The following ALMS1 variants were observed in gnomAD, a reference collection of about 807,000 sequenced individuals.
The protein encoded by ALMS1 is centrosome-associated protein ALMS1.
In ALMS1, 271 loss-of-function variants were observed where a neutral mutation model predicts 352.2. That is an observed-to-expected ratio of 0.77 (90% CI 0.70 to 0.85). The LOEUF (loss-of-function observed/expected upper bound fraction) is 0.85. ALMS1 is among the 40% of genes least tolerant of loss of function. The pLI is 0.00. For synonymous variants in ALMS1, 1,865 were observed against 1,761.2 expected (o/e 1.06, Z -1.48); for missense variants, 5,445 against 4,870.7 (o/e 1.12, Z -3.51).
At chr2:73,584,175 A>G (rs1179235608) in intron 16 of ALMS1, among the ~76,000 whole-genome samples, 1 of 152,172 alleles carries the variant, frequency 6.6e-6, no homozygotes, top group African/African-American at 2.4e-5. Context: ...AACTGATTTT[A>G]CTTCTTCCCA....
At chr2:73,534,494 C>T (rs1321406987) in intron 11 of ALMS1, among the ~76,000 whole-genome samples, 2 of 152,120 alleles carry the variant, frequency 1.3e-5, no homozygotes, top group African/African-American at 4.8e-5. Flanking sequence ...AAACATATCC[C>T]TACCATCCTA....
intron 7 of ALMS1, among the ~76,000 whole-genome samples, chr2:73,447,280 T>C (rs1671826996): frequency 6.6e-6 from 1 of 152,206 alleles, no homozygotes. Context: ...CCTAGATTTT[T>C]ACATTCCCTT....
intron 16 of ALMS1, among the ~76,000 whole-genome samples, chr2:73,592,313 C>G (rs1675450719): frequency 6.6e-6 from 1 of 152,120 alleles, no homozygotes; most frequent in Non-Finnish European, 1.5e-5. Context: ...CTTCTGCAAC[C>G]TTTTTTCACT....
At chr2:73,436,821 G>A (rs965769998) in intron 7 of ALMS1, among the ~76,000 whole-genome samples, 5 of 152,060 alleles carry the variant, frequency 3.3e-5, no homozygotes, top group Non-Finnish European at 1.5e-5. Flanking sequence ...TCTTCCCTTT[G>A]AATATGTTTA....
intron 17 of ALMS1, among the ~76,000 whole-genome samples, 199 bp from the exon 18 acceptor site, chr2:73,600,479 C>T (rs1295868473): frequency 6.6e-6 from 1 of 152,130 alleles, no homozygotes; most frequent in Non-Finnish European, 1.5e-5. Context: ...AAATAAAACC[C>T]TTTCTTTTTT....
rs191157669 is a variant in ALMS1, at chr2:73,519,987, A to C, written c.9752A>C (p.Gln3251Pro). 1 of 1,614,136 alleles carries C rather than the reference A, an allele frequency of 6.2e-7. No homozygotes were observed. The highest frequency in any genetic ancestry group is 1.7e-5 in the Admixed American group (1 of 60,024). The change falls in exon 11 of 23, where the codon CAA becomes CCA. Residue 3251 changes from glutamine to proline, a missense_variant. By Grantham distance (76) the Gln-to-Pro change is moderately conservative. Coordinates refer to ENST00000613296, the MANE Select transcript of ALMS1 (RefSeq NM_001378454.1). ...AAGTTTGCCTCATCATCTTCAGTCCAACAGGTTACTTTTTCTCGCGGCACA... is the reference window on the plus strand; with the variant it reads ...AAGTTTGCCTCATCATCTTCAGTCCCACAGGTTACTTTTTCTCGCGGCACA... Reference protein sequence around the residue: ...PVKFASSSSVQQVTFSRGTDG... With the variant: ...PVKFASSSSVPQVTFSRGTDG...
chr2:73,450,531 C>G lies in ALMS1; in HGVS notation c.4004C>G (p.Ser1335Ter). Residue 1335 changes from serine to a stop codon, truncating the protein, a stop_gained, in exon 8 of 23, where the codon TCA becomes TGA. Transcript: ENST00000613296. LOFTEE classifies it high-confidence loss of function. ...CCAATTTTACCCTCTACTTTCTACTCACACACAGAGAAGCCTGGTGTTTTC... is the reference window on the plus strand; with the variant it reads ...CCAATTTTACCCTCTACTTTCTACTGACACACAGAGAAGCCTGGTGTTTTC... ...VIPILPSTFYSHTEKPGVFYQ... is the reference protein window; with the variant it reads ...VIPILPSTFY 6.2e-7 allele frequency: 1 copy of G among 1,612,664 alleles called. No individual in the cohort carries two copies. Among genetic ancestry groups the G allele is most frequent in the Non-Finnish European group, 8.5e-7 (1 of 1,179,770 alleles).
chr2:73,412,892 T>G (rs1347363377), intron 2 of ALMS1, among the ~76,000 whole-genome samples: 1 of 152,152 alleles, frequency 6.6e-6, no homozygotes, highest in Admixed American at 6.6e-5. Flanking sequence ...AAACTGTTTT[T>G]CCAAAGTGGC....
At chr2:73,397,750 G>A (rs1670792664) in intron 1 of ALMS1, among the ~76,000 whole-genome samples, 1 of 152,200 alleles carries the variant, frequency 6.6e-6, no homozygotes, top group African/African-American at 2.4e-5. Flanking sequence ...TTACAGGCGT[G>A]CGGTTTTGCT....
intron 10 of ALMS1, among the ~76,000 whole-genome samples, chr2:73,499,158 T>C (rs1162788003): frequency 1.3e-5 from 2 of 152,200 alleles, no homozygotes; most frequent in Non-Finnish European, 2.9e-5. Flanking sequence ...TGAGATGATA[T>C]CTCATTGTAG....
In ALMS1 at chr2:73,427,787, G is replaced by C. The variant is rs79470267; in HGVS notation, c.1338+1234G>C. On this transcript the variant is annotated intron_variant, in intron 6 of 22. Transcript: ENST00000613296. ...AATGAATATCCTCTTTTGTTGTCTG[G>C]TACTGTAAGTCCCAAGGTGGGCCCT... Among the ~76,000 whole-genome samples the C allele has an allele frequency of 4.2e-4, 64 of 152,142 alleles. No individual in the cohort carries two copies. The East Asian group carries it at 0.012, about 28-fold the overall frequency.
rs150420140 is a variant in ALMS1, at chr2:73,472,896, C to G, written c.7675-16738C>G. On this transcript the variant is annotated intron_variant, in intron 9 of 22. Coordinates refer to ENST00000613296, the MANE Select transcript of ALMS1 (RefSeq NM_001378454.1). ...GACTGGGGTGGCTTGTCTGTCATCA[C>G]GTGTCAAAAGTATTTAAAAGCCAGA... Among the ~76,000 whole-genome samples the G allele has an allele frequency of 1.4e-4, 22 of 152,104 alleles. No individual in the cohort carries two copies. The East Asian group carries it at 3.5e-3, about 24-fold the overall frequency.
At position 73,449,629 on chromosome 2, in the gene ALMS1, A is replaced by T. The variant is rs2103777616; in HGVS notation, c.3102A>T (p.Gly1034=). 6.2e-7 allele frequency: 1 copy of T among 1,614,084 alleles called. No individual in the cohort carries two copies. Among genetic ancestry groups the T allele is most frequent in the Non-Finnish European group, 8.5e-7 (1 of 1,179,968 alleles). ...CTCTGAAAGTTTCAACTGGCCCTGG[A>T]CCAGCTGACCAGAAGACTGAGATAC... ...EKALKVSTGP[G]PADQKTEIPA... is the part of the protein sequence containing the mutation. Residue 1034 remains glycine, a synonymous_variant, in exon 8 of 23, where the codon GGA becomes GGT. Coordinates refer to ENST00000613296, the MANE Select transcript of ALMS1 (RefSeq NM_001378454.1).
In ALMS1 at chr2:73,581,673, A is replaced by G. The variant is rs531391200; in HGVS notation, c.11547+8249A>G. On this transcript the variant is annotated intron_variant, in intron 16 of 22. Coordinates refer to ENST00000613296, the MANE Select transcript of ALMS1 (RefSeq NM_001378454.1). ...CTCCCTTGGAGGTCTCTACTCTACC[A>G]TTTTTGCTTGTCGTTCCCAGGTGGA... Among the ~76,000 whole-genome samples the G allele has an allele frequency of 5.9e-5, 9 of 151,602 alleles. No homozygotes were observed. The East Asian group carries it at 1.7e-3, about 29-fold the overall frequency.
At chr2:73,464,306 A>G (rs1457426369) in intron 9 of ALMS1, among the ~76,000 whole-genome samples, 6 of 152,352 alleles carry the variant, frequency 3.9e-5, no homozygotes, top group Non-Finnish European at 7.3e-5. Context: ...CAAATCAATA[A>G]ACGTAATCCA....
chr2:73,540,523 A>G (rs748147346), intron 12 of ALMS1, among the ~76,000 whole-genome samples: 53 of 152,332 alleles, frequency 3.5e-4, no homozygotes, highest in Middle Eastern at 6.8e-3. Flanking sequence ...ACACATAACA[A>G]TATTAATCTT....
intron 16 of ALMS1, among the ~76,000 whole-genome samples, chr2:73,577,641 A>G (rs966397024): frequency 4.0e-5 from 6 of 151,832 alleles, no homozygotes; most frequent in African/African-American, 7.3e-5. Flanking sequence ...TTTTCATTCA[A>G]AATGTTTGCT....
intron 6 of ALMS1, among the ~76,000 whole-genome samples, chr2:73,426,758 G>A (rs944949395): frequency 1.6e-4 from 24 of 152,160 alleles, no homozygotes; most frequent in African/African-American, 5.6e-4. Context: ...TGCACTGGCA[G>A]CCTACTTTAC....
chr2:73,453,005 CA>C lies in ALMS1; in HGVS notation c.6479del (p.His2160LeufsTer2), dbSNP rs1200296507. ...CTATCAAAAGGATTTGCCAGATAGA[CA>C]TCTAACTGAAGATGCTCTAAAGATC... ...IFYQKDLPDRHLTEDALKISS... is the reference protein window; with the variant it reads ...IFYQKDLPDRXLTEDALKISS... On this transcript the variant is annotated frameshift_variant, in exon 8 of 23. Transcript: ENST00000613296. LOFTEE classifies it high-confidence loss of function. 1.9e-6 allele frequency: 3 copies of C among 1,612,826 alleles called. No homozygotes were observed. The highest frequency in any genetic ancestry group is 2.7e-5 in the African/African-American group (2 of 74,870).
Sources: gnomAD v4.1 joint callset for allele counts (sites outside exome capture counted in the v4.1 genomes callset) on GRCh38, gnomAD v4.1.1 for gene constraint, MANE v1.5 for transcripts, NCBI Gene and HGNC (gene_info 2026-07-23, HGNC 2026-07-21) for gene names.